The following CCDC93 variants were observed in gnomAD, a reference collection of about 807,000 sequenced individuals.
CCDC93 encodes the protein CCC complex scaffolding subunit CCDC93, also known as coiled-coil domain-containing protein 93.
In CCDC93, 61 loss-of-function variants were observed where a neutral mutation model predicts 108.2. That is an observed-to-expected ratio of 0.56 (90% CI 0.46 to 0.70). The LOEUF is 0.70. CCDC93 is among the 30% of genes least tolerant of loss of function. CCDC93 has a pLI of 0.00. For synonymous variants in CCDC93, 276 were observed against 260.4 expected (o/e 1.06, Z -0.58); for missense variants, 685 against 764.2 (o/e 0.90, Z 1.22).
At chr2:117,947,465 A>G (rs1678908913) in intron 15 of CCDC93, among the ~76,000 whole-genome samples, 1 of 152,186 alleles carries the variant, frequency 6.6e-6, no homozygotes, top group African/African-American at 2.4e-5. Flanking sequence ...ACTTACACAT[A>G]GGACATAGAC....
chr2:117,984,182 T>TA (rs925522994), intron 7 of CCDC93, among the ~76,000 whole-genome samples: 3 of 151,778 alleles, frequency 2.0e-5, no homozygotes, highest in African/African-American at 4.8e-5. Flanking sequence ...CCAAAAAAGC[T>TA]AAAAAAACAA....
chr2:117,918,326 A>T lies in CCDC93; in HGVS notation c.*2017T>A, dbSNP rs949702560. On this transcript the variant is annotated 3_prime_UTR_variant, in exon 24 of 24. Transcript: ENST00000376300. Reference sequence around the variant, plus strand: ...GTAGGCCTTGTCGATAAAAAAAAAAAGGGAATAGAGATCTATGGACACCTC... The same window carrying T: ...GTAGGCCTTGTCGATAAAAAAAAAATGGGAATAGAGATCTATGGACACCTC... 1 of 152,148 alleles carries T rather than the reference A, an allele frequency of 6.6e-6. No homozygotes were observed. The highest frequency in any genetic ancestry group is 1.5e-5 in the Non-Finnish European group (1 of 68,024). The allele number at this position is 152,148 out of a possible 1,614,324, so 9.4% of individuals were successfully genotyped here.
chr2:117,915,954 T>A lies in CCDC93; in HGVS notation c.*4389A>T, dbSNP rs912847477. ...ATTGTTTAAGCTGGCCATAATGTAT[T>A]TAACCATTCCCCTGTATTGGTGGCA... On this transcript the variant is annotated 3_prime_UTR_variant, in exon 24 of 24. Transcript: ENST00000376300. 6.6e-6 allele frequency: 1 copy of A among 152,236 alleles called. No homozygotes were observed. The highest frequency in any genetic ancestry group is 2.4e-5 in the African/African-American group (1 of 41,466). The allele number at this position is 152,236 out of a possible 1,614,324, so 9.4% of individuals were successfully genotyped here. A position where few individuals can be genotyped will look rare whatever the true frequency, so the allele number is the denominator to read the frequency against.
intron 23 of CCDC93, among the ~76,000 whole-genome samples, chr2:117,926,520 A>C (rs1476462688): frequency 6.6e-6 from 1 of 152,274 alleles, no homozygotes; most frequent in Non-Finnish European, 1.5e-5. Flanking sequence ...AAAATCTAGA[A>C]GAAATGGATA....
In CCDC93 at chr2:117,946,901, C is replaced by T. The variant is rs752261577; in HGVS notation, c.1225-19G>A. On this transcript the variant is annotated intron_variant, in intron 15 of 23. Coordinates refer to ENST00000376300, the MANE Select transcript of CCDC93 (RefSeq NM_019044.5). ...TCTCCTCCTTTAAAAGTGACATGAA[C>T]TTTTACAAAATTCAGACAAGGAGTA... 1.2e-5 allele frequency: 19 copies of T among 1,581,460 alleles called. No homozygotes were observed. In the East Asian group the frequency reaches 2.7e-4, roughly 22 times the overall value.
rs955709250 is a variant in CCDC93, at chr2:117,918,431, T to G, written c.*1912A>C. On this transcript the variant is annotated 3_prime_UTR_variant, in exon 24 of 24. Coordinates refer to ENST00000376300, the MANE Select transcript of CCDC93 (RefSeq NM_019044.5). ...TGCCTGCACTTTCAAAAAGAATTAC[T>G]GGTTGCTTTGGATTCATCATGCCAT... 3 of 152,212 alleles carry G rather than the reference T, an allele frequency of 2.0e-5. No homozygotes were observed. Among genetic ancestry groups the G allele is most frequent in the Non-Finnish European group, 4.4e-5 (3 of 68,040 alleles). 9.4% of individuals were successfully genotyped at this position (152,212 alleles called of 1,614,324 possible).
chr2:118,000,987 C>T (rs1176789028), intron 3 of CCDC93, 55 bp from the exon 4 acceptor site: 1 of 1,063,844 alleles, frequency 9.4e-7, no homozygotes, highest in Non-Finnish European at 1.5e-6. Flanking sequence ...GCCTTTATGG[C>T]ATCTCTAAAG....
chr2:117,950,411 T>C, intron 13 of CCDC93: 4 of 985,318 alleles, frequency 4.1e-6, no homozygotes, highest in Non-Finnish European at 4.8e-6. Context: ...ACTGCTGAAG[T>C]TACAAAGCAG....
chr2:117,947,011 G>A, intron 15 of CCDC93, 129 bp from the exon 16 acceptor site: 1 of 710,242 alleles, frequency 1.4e-6, no homozygotes, highest in Non-Finnish European at 2.5e-6. Context: ...AGCTAATGAG[G>A]TAGCTGCCCT....
chr2:117,936,115 A>G (rs998043373), intron 21 of CCDC93, among the ~76,000 whole-genome samples: 3 of 151,616 alleles, frequency 2.0e-5, no homozygotes, highest in African/African-American at 7.3e-5. Flanking sequence ...CTGCCAGAGG[A>G]CAGCAGAGAT....
intron 15 of CCDC93, among the ~76,000 whole-genome samples, chr2:117,947,325 G>A (rs1481381286): frequency 1.3e-5 from 2 of 152,102 alleles, no homozygotes; most frequent in Non-Finnish European, 2.9e-5. Flanking sequence ...CTCCTGTGCT[G>A]AAGTGCCTTT....
At position 117,979,343 on chromosome 2, in the gene CCDC93, G is replaced by A. The variant is rs922723019; in HGVS notation, c.621-1313C>T. Among the ~76,000 whole-genome samples, 9 of 151,960 alleles carry A rather than the reference G, an allele frequency of 5.9e-5. 1 individual carries two copies. The South Asian group carries it at 1.2e-3, about 21-fold the overall frequency. On this transcript the variant is annotated intron_variant, in intron 7 of 23. Transcript: ENST00000376300. ...GCACAAACTAAGCTGTTCCCCTCTC[G>A]CCCCTGCTTCCCTACTCACCCTCCA... is the stretch of plus-strand genomic sequence containing the variant.
In CCDC93 at chr2:117,931,483, A is replaced by C. The variant is rs143405812; in HGVS notation, c.1729-333T>G. The C allele has an allele frequency of 2.7e-4, 71 of 260,300 alleles. No homozygotes were observed. The East Asian group carries it at 7.5e-3, about 28-fold the overall frequency. The allele number at this position is 260,300 out of a possible 1,614,324, so 16.1% of individuals were successfully genotyped here. A position where few individuals can be genotyped will look rare whatever the true frequency, so the allele number is the denominator to read the frequency against. ...GTGTCTGGAGACAGTTTTGATTGTC[A>C]CAACTGCGAGAAGTGGGTGCTACTG... is the stretch of plus-strand genomic sequence containing the variant. On this transcript the variant is annotated intron_variant, in intron 22 of 23. Transcript: ENST00000376300.
intron 7 of CCDC93, among the ~76,000 whole-genome samples, chr2:117,982,460 A>T (rs1680174876): frequency 6.6e-6 from 1 of 152,176 alleles, no homozygotes; most frequent in Non-Finnish European, 1.5e-5. Context: ...TGTTTTTAAC[A>T]GATAAACAGT....
At chr2:117,982,096 G>T (rs981855170) in intron 7 of CCDC93, among the ~76,000 whole-genome samples, 1 of 150,144 alleles carries the variant, frequency 6.7e-6, no homozygotes, top group Non-Finnish European at 1.5e-5. Context: ...ACTAACTACA[G>T]AATGCTGGAG....
chr2:117,987,864 A>G (rs569313235), intron 6 of CCDC93, among the ~76,000 whole-genome samples: 1 of 152,298 alleles, frequency 6.6e-6, no homozygotes, highest in South Asian at 2.1e-4. Context: ...AATAGTAGGT[A>G]TGTGCCAGGC....
intron 7 of CCDC93, among the ~76,000 whole-genome samples, chr2:117,983,919 C>T (rs929563106): frequency 6.6e-6 from 1 of 152,070 alleles, no homozygotes; most frequent in African/African-American, 2.4e-5. Flanking sequence ...AAACTCAGAA[C>T]CTAAAAATAT....
rs746904407 is a variant in CCDC93 at position 117,935,476 on chromosome 2, A to G, written c.1728+19T>C. 6.3e-7 allele frequency: 1 copy of G among 1,591,364 alleles called. No homozygotes were observed. On this transcript the variant is annotated intron_variant, in intron 22 of 23. Transcript: ENST00000376300. ...CACTATAAAACCTGGGCTGCATTAC[A>G]GAAAAGAAGCCATCTGACCTTCATT...
At chr2:117,969,060 T>C (rs1679677849) in intron 11 of CCDC93, among the ~76,000 whole-genome samples, 1 of 152,236 alleles carries the variant, frequency 6.6e-6, no homozygotes, top group African/African-American at 2.4e-5. Context: ...GTGTAACCCC[T>C]TTCTTTTGGG....
Sources: allele counts gnomAD v4.1 joint callset (sites outside exome capture counted in the v4.1 genomes callset), GRCh38; gene constraint gnomAD v4.1.1; transcripts MANE v1.5; gene names NCBI Gene and HGNC (gene_info 2026-07-23, HGNC 2026-07-21).